UBE2E2: variants seen among roughly 807,000 people sequenced by gnomAD.
UBE2E2 encodes the protein ubiquitin conjugating enzyme E2 E2.
In UBE2E2, 6 loss-of-function variants were observed where a neutral mutation model predicts 24.7. That is an observed-to-expected ratio of 0.24 (90% confidence interval 0.13 to 0.48). The LOEUF (loss-of-function observed/expected upper bound fraction) is 0.48. Ranked by LOEUF, UBE2E2 falls within the 20% of genes least tolerant of loss-of-function variation. The probability of loss-of-function intolerance (pLI) is 0.99; values close to 1 mark genes in which losing one functional copy is unlikely to be tolerated. For missense variants in UBE2E2, 169 were observed against 245.0 expected (o/e 0.69, Z 2.07); for synonymous variants, 104 against 83.6 (o/e 1.24, Z -1.33).
At chr3:23,470,910 A>C (rs2125433951) in intron 3 of UBE2E2, among the ~76,000 whole-genome samples, 1 of 152,234 alleles carries the variant, frequency 6.6e-6, no homozygotes, top group East Asian at 1.9e-4. Flanking sequence ...GTCTATTCTT[A>C]GGTATGGTTT....
intron 3 of UBE2E2, among the ~76,000 whole-genome samples, chr3:23,450,227 A>C (rs1698532428): frequency 6.6e-6 from 1 of 152,200 alleles, no homozygotes; most frequent in South Asian, 2.1e-4. Flanking sequence ...TTAGTGAAAC[A>C]ATCTGTTCAT....
chr3:23,360,399 C>G (rs1166085895), intron 3 of UBE2E2, among the ~76,000 whole-genome samples: 2 of 152,112 alleles, frequency 1.3e-5, no homozygotes, highest in African/African-American at 4.8e-5. Flanking sequence ...GTACTGAATG[C>G]TGTGGATACA....
intron 3 of UBE2E2, among the ~76,000 whole-genome samples, chr3:23,429,063 T>A (rs955402901): frequency 6.6e-6 from 1 of 151,140 alleles, no homozygotes; most frequent in African/African-American, 2.4e-5. Flanking sequence ...TCTTGAAAGA[T>A]ACAACCTGCC....
rs142367686 is a variant in UBE2E2, at chr3:23,317,320, G to A, written c.227+100008G>A. On this transcript the variant is annotated intron_variant, in intron 3 of 5. Transcript: ENST00000396703. ...GCTGGTCTCAATGCCTTCTTCATGG[G>A]CATCACCTGAGTTCTGCCCAGCATT... Among the ~76,000 whole-genome samples the A allele has an allele frequency of 2.5e-3, 385 of 152,308 alleles. 3 individuals are homozygous for A. Among genetic ancestry groups the A allele is most frequent in the African/African-American group, 8.8e-3 (368 of 41,586 alleles).
At position 23,589,994 on chromosome 3, in the gene UBE2E2, C is replaced by A; in HGVS notation, c.*163C>A. 3.3e-5 allele frequency: 19 copies of A among 569,682 alleles called. No individual in the cohort carries two copies. The highest frequency in any genetic ancestry group is 1.2e-4 in the Admixed American group (4 of 33,384). 35.3% of individuals were successfully genotyped at this position (569,682 alleles called of 1,614,324 possible). A position where few individuals can be genotyped will look rare whatever the true frequency, so the allele number is the denominator to read the frequency against. ...TGTCCATCTTCCCATCCCAGTTCTTCCTGCCCCCCTTCCTCTCTCCCACGC... is the reference window on the plus strand; with the variant it reads ...TGTCCATCTTCCCATCCCAGTTCTTACTGCCCCCCTTCCTCTCTCCCACGC... On this transcript the variant is annotated 3_prime_UTR_variant, in exon 6 of 6. Coordinates refer to ENST00000396703, the MANE Select transcript of UBE2E2 (RefSeq NM_152653.4). The surrounding 1 kb of genome is among the most constrained non-coding windows in gnomAD (Gnocchi z 4.1).
At chr3:23,352,302 C>T (rs4858072) in intron 3 of UBE2E2, among the ~76,000 whole-genome samples, 66,153 of 150,824 alleles carry the variant, frequency 0.44, 14,641 homozygotes, top group Admixed American at 0.55. Context: ...AAATTGACAC[C>T]CTAACATCAC....
chr3:23,321,629 G>T (rs1444767702), intron 3 of UBE2E2, among the ~76,000 whole-genome samples: 1 of 149,070 alleles, frequency 6.7e-6, no homozygotes, highest in Non-Finnish European at 1.5e-5. Flanking sequence ...ATAACACAGA[G>T]TTGTGGGGGA....
At chr3:23,238,824 C>T (rs1434304008) in intron 3 of UBE2E2, among the ~76,000 whole-genome samples, 2 of 152,096 alleles carry the variant, frequency 1.3e-5, no homozygotes, top group East Asian at 1.9e-4. Flanking sequence ...CTGACTGGGA[C>T]CTGCCACATG....
chr3:23,424,394 G>T (rs1053831836), intron 3 of UBE2E2, among the ~76,000 whole-genome samples: 1 of 150,996 alleles, frequency 6.6e-6, no homozygotes. Flanking sequence ...GGAGCAGGTA[G>T]CCTTTCTGGG....
chr3:23,235,333 A>C (rs1046100772), intron 3 of UBE2E2, among the ~76,000 whole-genome samples: 9 of 152,294 alleles, frequency 5.9e-5, no homozygotes, highest in East Asian at 1.9e-4. Flanking sequence ...TGTTAGGTAC[A>C]TAAGGTGTGG....
rs112203685 is a variant in UBE2E2 at position 23,496,767 on chromosome 3, T to C, written c.228-2841T>C. ...ATACACACATGTAAAAGTTTCTCTG[T>C]AGTGTATACCTGGGAGTATAGTTGC... On this transcript the variant is annotated intron_variant, in intron 3 of 5. Coordinates refer to ENST00000396703, the MANE Select transcript of UBE2E2 (RefSeq NM_152653.4). Among the ~76,000 whole-genome samples the C allele has an allele frequency of 4.9e-3, 745 of 152,254 alleles. 8 individuals carry two copies. The highest frequency in any genetic ancestry group is 0.017 in the African/African-American group (709 of 41,556).
chr3:23,477,682 T>C (rs1338059796), intron 3 of UBE2E2, among the ~76,000 whole-genome samples: 1 of 152,242 alleles, frequency 6.6e-6, no homozygotes, highest in African/African-American at 2.4e-5. Context: ...GATTTCTCCG[T>C]GTTACTGAAG....
chr3:23,452,463 T>G (rs1407888795), intron 3 of UBE2E2, among the ~76,000 whole-genome samples: 2 of 152,220 alleles, frequency 1.3e-5, no homozygotes. Flanking sequence ...GTTTTGAATC[T>G]ATATTAAAAT....
chr3:23,338,799 C>G (rs716456), intron 3 of UBE2E2, among the ~76,000 whole-genome samples: 84,079 of 151,942 alleles, frequency 0.55, 23,475 homozygotes, highest in Admixed American at 0.66. Context: ...TAAATTCAAA[C>G]GGGAGAAAGG....
intron 4 of UBE2E2, among the ~76,000 whole-genome samples, chr3:23,516,670 A>C (rs1425386625): frequency 6.6e-6 from 1 of 152,164 alleles, no homozygotes; most frequent in African/African-American, 2.4e-5. Flanking sequence ...TGTATCCTCT[A>C]TTCTTAACCT....
chr3:23,231,531 A>T (rs1696973958), intron 3 of UBE2E2, among the ~76,000 whole-genome samples: 1 of 152,240 alleles, frequency 6.6e-6, no homozygotes, highest in Admixed American at 6.5e-5. Context: ...TTCTCTTCAT[A>T]CACCAAGCAA....
intron 3 of UBE2E2, among the ~76,000 whole-genome samples, chr3:23,231,089 A>T (rs1359451968): frequency 1.3e-5 from 2 of 152,108 alleles, no homozygotes; most frequent in Non-Finnish European, 2.9e-5. Flanking sequence ...TTTCAGAGAG[A>T]TTTTCAGTTA....
At chr3:23,232,492 CTG>C (rs3086987) in intron 3 of UBE2E2, among the ~76,000 whole-genome samples, 24,109 of 152,120 alleles carry the variant, frequency 0.16, 2,015 homozygotes, top group South Asian at 0.22. Context: ...ATTTATCAAA[CTG>C]TGTAACAAAC....
intron 3 of UBE2E2, among the ~76,000 whole-genome samples, chr3:23,451,370 G>A (rs1470289688): frequency 6.6e-6 from 1 of 152,068 alleles, no homozygotes; most frequent in East Asian, 1.9e-4. Context: ...TCATTACATG[G>A]CATCCTCGAA....
Sources: allele counts gnomAD v4.1 joint callset (sites outside exome capture counted in the v4.1 genomes callset), GRCh38; gene constraint gnomAD v4.1.1; non-coding constraint Gnocchi (gnomAD v3.1); transcripts MANE v1.5; gene names NCBI Gene and HGNC (gene_info 2026-07-23, HGNC 2026-07-21).